ANKRD30B: variants seen among roughly 807,000 people sequenced by gnomAD.
The protein encoded by ANKRD30B is ankyrin repeat domain 30B.
A neutral mutation model predicts 202.2 loss-of-function variants in ANKRD30B; 144 were observed. The observed-to-expected ratio is 0.71, with a 90% CI of 0.62 to 0.82. The LOEUF (loss-of-function observed/expected upper bound fraction) is 0.82, where lower values mean the gene tolerates loss of function less well. Among genes scored for constraint, ANKRD30B ranks in the 40% least tolerant of loss-of-function variants. The pLI is 0.00. For synonymous variants in ANKRD30B, 508 were observed against 561.3 expected (o/e 0.91, Z 1.34); for missense variants, 1,487 against 1,669.1 (o/e 0.89, Z 1.90).
At chr18:14,888,355 A>C in the ANKRD30B span, among the ~76,000 whole-genome samples, 1 of 152,032 alleles carries the variant, frequency 6.6e-6, no homozygotes, top group South Asian at 2.1e-4. Flanking sequence ...TTATAAGCAG[A>C]TAGGAATGTT....
At chr18:14,882,650 T>A in the ANKRD30B span, among the ~76,000 whole-genome samples, 1 of 152,022 alleles carries the variant, frequency 6.6e-6, no homozygotes, top group East Asian at 1.9e-4. Flanking sequence ...TTAAATCCAG[T>A]GTTTCTTTGT....
chr18:14,798,262 T>C lies in ANKRD30B; in HGVS notation c.2029+408T>C, dbSNP rs577437662. On this transcript the variant is annotated intron_variant, in intron 20 of 43. Transcript: ENST00000690538. ...TAAGTTTAGTGAGGGTGGGGGTGGG[T>C]TAATGAGGGATTTAGGGTCATTTGA... 1.1e-4 allele frequency among the ~76,000 whole-genome samples: 16 copies of C among 141,050 alleles called. No homozygotes were observed. In the East Asian group the frequency reaches 3.7e-3, roughly 32 times the overall value. 92.5% of individuals were successfully genotyped at this position (141,050 alleles called of 152,430 possible). A position where few individuals can be genotyped will look rare whatever the true frequency, so the allele number is the denominator to read the frequency against.
chr18:14,861,449 C>T, the ANKRD30B span, among the ~76,000 whole-genome samples: 1 of 149,460 alleles, frequency 6.7e-6, no homozygotes, highest in Non-Finnish European at 1.5e-5. Context: ...AAATGAAAAA[C>T]AAAAAAGGAG....
At chr18:14,753,646 A>G (rs1913836517) in intron 3 of ANKRD30B, among the ~76,000 whole-genome samples, 1 of 152,174 alleles carries the variant, frequency 6.6e-6, no homozygotes, top group Non-Finnish European at 1.5e-5. Context: ...ATTCATTAAT[A>G]CTGGGGTTGA....
chr18:14,796,957 C>T (rs751723799), intron 18 of ANKRD30B, among the ~76,000 whole-genome samples: 1 of 152,104 alleles, frequency 6.6e-6, no homozygotes, highest in African/African-American at 2.4e-5. Context: ...GTGTGTGCAT[C>T]GGTAATTTCT....
intron 42 of ANKRD30B, chr18:14,852,636 G>T: frequency 2.1e-6 from 1 of 479,792 alleles, no homozygotes; most frequent in Non-Finnish European, 3.2e-6. Context: ...GAAATTATAA[G>T]AGTTTAAGTT....
intron 28 of ANKRD30B, among the ~76,000 whole-genome samples, chr18:14,811,744 A>C (rs1969934476): frequency 2.6e-5 from 1 of 38,038 alleles, no homozygotes; most frequent in African/African-American, 1.1e-4. Context: ...TAAAGGACAC[A>C]ATTAACTGTC....
intron 9 of ANKRD30B, among the ~76,000 whole-genome samples, chr18:14,775,854 G>A (rs1967320026): frequency 6.6e-6 from 1 of 152,148 alleles, no homozygotes; most frequent in African/African-American, 2.4e-5. Context: ...CTAGCTATGG[G>A]AACTTGGAAA....
At chr18:14,828,226 ATT>A in intron 32 of ANKRD30B, 50 bp from the exon 33 acceptor site, 1 of 1,360,880 alleles carries the variant, frequency 7.3e-7, no homozygotes, top group Non-Finnish European at 1.0e-6. Flanking sequence ...AATATTCTGT[ATT>A]TTTTATTTAT....
At chr18:14,914,892 G>C in the ANKRD30B span, among the ~76,000 whole-genome samples, 1 of 152,146 alleles carries the variant, frequency 6.6e-6, no homozygotes, top group Non-Finnish European at 1.5e-5. Flanking sequence ...CTGGACGAGA[G>C]ACAACATTAG....
chr18:14,779,560 T>G (rs1461966591), intron 10 of ANKRD30B, among the ~76,000 whole-genome samples: 1 of 152,176 alleles, frequency 6.6e-6, no homozygotes, highest in Non-Finnish European at 1.5e-5. Flanking sequence ...AACTGTGTAA[T>G]AAAGATTGCT....
rs539131445 is a variant in ANKRD30B at position 14,805,308 on chromosome 18, T to G, written c.2284+1484T>G. ...CATAGGTATTTTACTGATTTTAACC[T>G]AGAAAATTTTGTTAATATTTAATAA... On this transcript the variant is annotated intron_variant, in intron 24 of 43. Transcript: ENST00000690538. 2.0e-5 allele frequency among the ~76,000 whole-genome samples: 3 copies of G among 151,106 alleles called. No homozygotes were observed. In the South Asian group the frequency reaches 6.3e-4, roughly 32 times the overall value.
At chr18:14,764,623 C>T (rs1229950435) in intron 7 of ANKRD30B, among the ~76,000 whole-genome samples, 2 of 152,012 alleles carry the variant, frequency 1.3e-5, no homozygotes, top group African/African-American at 4.8e-5. Context: ...CTCCTGACCT[C>T]GTGATAGCCC....
At position 14,850,228 on chromosome 18, in the gene ANKRD30B, A is replaced by G. The variant is rs779473023; in HGVS notation, c.3410A>G (p.Gln1137Arg). 7.1e-5 allele frequency: 111 copies of G among 1,552,568 alleles called. No homozygotes were observed. Among genetic ancestry groups the G allele is most frequent in the Non-Finnish European group, 8.9e-5 (103 of 1,155,694 alleles). Residue 1137 changes from glutamine to arginine, a missense_variant, in exon 41 of 44, where the codon CAA becomes CGA. Gln to Arg is a conservative substitution (Grantham distance 43). Coordinates refer to ENST00000690538, the MANE Select transcript of ANKRD30B (RefSeq NM_001367607.2). ...ELCSVRLTLNQEEEKRRNVDI... is the reference protein window; with the variant it reads ...ELCSVRLTLNREEEKRRNVDI... ...TTTAATGGCAGATTGACTTTAAATC[A>G]AGAAGAAGAGAAGAGAAGAAATGTC...
the ANKRD30B span, among the ~76,000 whole-genome samples, chr18:14,861,709 A>G: frequency 6.6e-6 from 1 of 151,868 alleles, no homozygotes; most frequent in Non-Finnish European, 1.5e-5. Context: ...AGCAGTAAGC[A>G]GATTAGTTAG....
chr18:14,898,633 A>G, the ANKRD30B span, among the ~76,000 whole-genome samples: 1 of 152,020 alleles, frequency 6.6e-6, no homozygotes, highest in South Asian at 2.1e-4. Context: ...TTCCTTTTTT[A>G]CTGATGCCTC....
chr18:14,791,080 G>T (rs753644855), intron 15 of ANKRD30B, among the ~76,000 whole-genome samples: 1 of 152,110 alleles, frequency 6.6e-6, no homozygotes, highest in Non-Finnish European at 1.5e-5. Context: ...CCTGTTATTC[G>T]TCTATTCAGA....
chr18:14,752,606 G>C lies in ANKRD30B; in HGVS notation c.262G>C (p.Val88Leu). The change falls in exon 2 of 44, where the codon GTA (valine) becomes CTA (leucine). Residue 88 changes from valine to leucine, a missense_variant. Transcript: ENST00000690538. ...GGCCTGTGTCAATGGCCATGCAGAA[G>C]TAGTAACATTTCTGGTAGACAGAAA... is the stretch of plus-strand genomic sequence containing the variant. ...HWACVNGHAE[V>L]VTFLVDRKCQ... 5 of 1,612,718 alleles carry C rather than the reference G, an allele frequency of 3.1e-6. No individual in the cohort carries two copies. The highest frequency in any genetic ancestry group is 4.2e-6 in the Non-Finnish European group (5 of 1,179,186).
At chr18:14,880,515 G>A in the ANKRD30B span, among the ~76,000 whole-genome samples, 1 of 151,860 alleles carries the variant, frequency 6.6e-6, no homozygotes, top group African/African-American at 2.4e-5. Context: ...CCAAGAGCAT[G>A]GGGATGCGTT....
Sources: allele counts gnomAD v4.1 joint callset (sites outside exome capture counted in the v4.1 genomes callset), GRCh38; gene constraint gnomAD v4.1.1; transcripts MANE v1.5; gene names NCBI Gene and HGNC (gene_info 2026-07-23, HGNC 2026-07-21).